The following ADCY2 variants were observed in gnomAD, a reference collection of about 807,000 sequenced individuals.
ADCY2 encodes adenylate cyclase 2.
In ADCY2, 31 loss-of-function variants were observed where a neutral mutation model predicts 125.2. The observed-to-expected ratio is 0.25, with a 90% CI of 0.19 to 0.33. ADCY2 has a LOEUF of 0.33. ADCY2 is among the 10% of genes least tolerant of loss of function. The probability of loss-of-function intolerance (pLI) is 1.00; values close to 1 mark genes in which losing one functional copy is unlikely to be tolerated. For missense variants in ADCY2, 904 were observed against 1,418.2 expected (o/e 0.64, Z 5.82); for synonymous variants, 512 against 548.4 (o/e 0.93, Z 0.93).
intron 3 of ADCY2, among the ~76,000 whole-genome samples, chr5:7,582,292 T>G (rs1262598197): frequency 6.6e-6 from 1 of 152,164 alleles, no homozygotes; most frequent in Non-Finnish European, 1.5e-5. Context: ...AAACAACTGT[T>G]AAAATGAAAA....
At chr5:7,544,534 G>T (rs1735091874) in intron 3 of ADCY2, among the ~76,000 whole-genome samples, 1 of 152,158 alleles carries the variant, frequency 6.6e-6, no homozygotes, top group African/African-American at 2.4e-5. Context: ...GGACCCACCT[G>T]TGTCATCCAG....
intron 14 of ADCY2, among the ~76,000 whole-genome samples, chr5:7,734,419 C>T (rs1215892529): frequency 1.3e-5 from 2 of 152,154 alleles, no homozygotes; most frequent in African/African-American, 2.4e-5. Flanking sequence ...GAAGGAGGAC[C>T]TTGTCCAGAA....
chr5:7,690,694 C>T lies in ADCY2; in HGVS notation c.724C>T (p.Arg242Trp). The T allele has an allele frequency of 1.9e-6, 3 of 1,576,852 alleles. No individual in the cohort carries two copies. Among genetic ancestry groups the T allele is most frequent in the Non-Finnish European group, 2.6e-6 (3 of 1,164,104 alleles). ...CCTCCTTCCCCACCTTGTCCAGGAG[C>T]GGCTTCTGCTCTCCCTGCTGCCGGC... is the stretch of plus-strand genomic sequence containing the variant. ...KLEFEKRQQE[R>W]LLLSLLPAHI... The change falls in exon 5 of 25, where the codon CGG becomes TGG. Residue 242 changes from arginine to tryptophan, a missense_variant. This residue lies in a region of ADCY2 where 117 missense variants were observed against 248.0 expected (regional missense o/e 0.47). Transcript: ENST00000338316.
At chr5:7,429,333 C>A (rs1044463164) in intron 2 of ADCY2, among the ~76,000 whole-genome samples, 4 of 152,144 alleles carry the variant, frequency 2.6e-5, no homozygotes, top group Admixed American at 6.5e-5. Context: ...TTTTAGTACC[C>A]ATTTCTCAAT....
chr5:7,685,477 G>A (rs950373489), intron 4 of ADCY2, among the ~76,000 whole-genome samples: 2 of 152,180 alleles, frequency 1.3e-5, no homozygotes, highest in African/African-American at 4.8e-5. Context: ...TTTCTACTGC[G>A]ATGCCTTCTA....
At chr5:7,507,440 C>CAAAAAAAAAAAAA (rs766601693) in intron 2 of ADCY2, among the ~76,000 whole-genome samples, 7 of 46,964 alleles carry the variant, frequency 1.5e-4, no homozygotes, top group Non-Finnish European at 2.0e-4. Flanking sequence ...GACTCCGTCT[C>CAAAAAAAAAAAAA]AAAAAAAAAA....
At chr5:7,609,990 C>T (rs1737516556) in intron 3 of ADCY2, among the ~76,000 whole-genome samples, 1 of 152,038 alleles carries the variant, frequency 6.6e-6, no homozygotes, top group Non-Finnish European at 1.5e-5. Context: ...GGGCTTCATG[C>T]CTAGAGTGGA....
chr5:7,690,655 G>C (rs1272052241), intron 4 of ADCY2, 36 bp from the exon 5 acceptor site: 2 of 1,495,620 alleles, frequency 1.3e-6, no homozygotes, highest in Admixed American at 2.3e-5. Context: ...CGAGGTGTCT[G>C]AGAGACATTT....
At chr5:7,653,999 G>A (rs1383348660) in intron 4 of ADCY2, 2 of 450,024 alleles carry the variant, frequency 4.4e-6, no homozygotes, top group South Asian at 1.6e-5. Flanking sequence ...GACCAGTGGA[G>A]CCACACGTCT....
At chr5:7,472,438 TA>T (rs1742375903) in intron 2 of ADCY2, among the ~76,000 whole-genome samples, 1 of 152,188 alleles carries the variant, frequency 6.6e-6, no homozygotes, top group African/African-American at 2.4e-5. Context: ...CAGTAGTCTT[TA>T]ATATATTAAT....
rs77049196 is a variant in ADCY2, at chr5:7,655,579, G to A, written c.720+29263G>A. 3.0e-3 allele frequency among the ~76,000 whole-genome samples: 461 copies of A among 152,230 alleles called. 1 individual carries two copies. The highest frequency in any genetic ancestry group is 5.7e-3 in the Admixed American group (87 of 15,288). On this transcript the variant is annotated intron_variant, in intron 4 of 24. Transcript: ENST00000338316. ...TTCTGGCCCTCAGTAGAGATTGGACGGTGGTCGCTCACACTGGGAGCGCAG... is the reference window on the plus strand; with the variant it reads ...TTCTGGCCCTCAGTAGAGATTGGACAGTGGTCGCTCACACTGGGAGCGCAG...
chr5:7,396,537 C>T lies in ADCY2; in HGVS notation c.210+31C>T. ...TGGCCTCCCCGCGGGTCCAGCGCCG[C>T]GCCTTCCCCGGCCCTGAGAGGAGCC... On this transcript the variant is annotated intron_variant, in intron 1 of 24. Transcript: ENST00000338316. This position sits in a 1 kb window ranked among gnomAD's most constrained non-coding sequence, Gnocchi z 5.7. 6.5e-7 allele frequency: 1 copy of T among 1,534,998 alleles called. No individual in the cohort carries two copies. Among genetic ancestry groups the T allele is most frequent in the Non-Finnish European group, 8.7e-7 (1 of 1,143,246 alleles).
chr5:7,694,530 A>C (rs1740826237), intron 5 of ADCY2, among the ~76,000 whole-genome samples: 1 of 152,230 alleles, frequency 6.6e-6, no homozygotes, highest in Admixed American at 6.5e-5. Context: ...ATGTAGAATC[A>C]TACAGTATTT....
At chr5:7,562,171 CAACTAGTT>C (rs1735729298) in intron 3 of ADCY2, among the ~76,000 whole-genome samples, 1 of 151,940 alleles carries the variant, frequency 6.6e-6, no homozygotes, top group Non-Finnish European at 1.5e-5. Flanking sequence ...TCTAACAAGT[CAACTAGTT>C]GAACTTTTAG....
intron 18 of ADCY2, among the ~76,000 whole-genome samples, chr5:7,777,142 A>C (rs1743758070): frequency 6.6e-6 from 1 of 151,656 alleles, no homozygotes; most frequent in Non-Finnish European, 1.5e-5. Flanking sequence ...TCTGGCTTTC[A>C]CCCCTCGGTG....
chr5:7,804,881 ACTC>A (rs1206650832), intron 22 of ADCY2, among the ~76,000 whole-genome samples, 189 bp downstream of exon 22: 1 of 152,098 alleles, frequency 6.6e-6, no homozygotes, highest in Non-Finnish European at 1.5e-5. Flanking sequence ...TGTTCACAGA[ACTC>A]CTTCTGCTGG....
chr5:7,556,008 A>T lies in ADCY2; in HGVS notation c.570+35109A>T, dbSNP rs182513576. Among the ~76,000 whole-genome samples, 18 of 152,216 alleles carry T rather than the reference A, an allele frequency of 1.2e-4. No homozygotes were observed. In the East Asian group the frequency reaches 3.5e-3, roughly 29 times the overall value. On this transcript the variant is annotated intron_variant, in intron 3 of 24. Coordinates refer to ENST00000338316, the MANE Select transcript of ADCY2 (RefSeq NM_020546.3). Reference sequence around the variant, plus strand: ...GCCACTAGACAAATGTGGCTATTTAAAATTAAATTTAAGATAAAAATGATA... The same window carrying T: ...GCCACTAGACAAATGTGGCTATTTATAATTAAATTTAAGATAAAAATGATA...
At chr5:7,650,128 T>C in intron 4 of ADCY2, among the ~76,000 whole-genome samples, 1 of 152,010 alleles carries the variant, frequency 6.6e-6, no homozygotes, top group Non-Finnish European at 1.5e-5. Flanking sequence ...GCCTTTAAAA[T>C]AGTTCATTAA....
chr5:7,505,683 A>G (rs923742311), intron 2 of ADCY2, among the ~76,000 whole-genome samples: 1 of 152,232 alleles, frequency 6.6e-6, no homozygotes, highest in African/African-American at 2.4e-5. Context: ...AGGCATTTAG[A>G]ACTTGGAGGG....
Sources: allele counts gnomAD v4.1 joint callset (sites outside exome capture counted in the v4.1 genomes callset), GRCh38; gene constraint gnomAD v4.1.1; regional missense constraint gnomAD v4.1.1; non-coding constraint Gnocchi (gnomAD v3.1); transcripts MANE v1.5; gene names NCBI Gene and HGNC (gene_info 2026-07-23, HGNC 2026-07-21).